Variants in FRMD6 observed in about 807,000 individuals in gnomAD.
FRMD6 encodes the protein FERM domain containing 6.
A neutral mutation model predicts 73.2 loss-of-function variants in FRMD6; 37 were observed. The observed-to-expected ratio is 0.51, with a 90% CI of 0.39 to 0.66. The LOEUF is 0.66. Among genes scored for constraint, FRMD6 ranks in the 30% least tolerant of loss-of-function variants. FRMD6 has a pLI of 0.00. For synonymous variants in FRMD6, 273 were observed against 282.2 expected (o/e 0.97, Z 0.33); for missense variants, 714 against 780.5 (o/e 0.91, Z 1.02).
At chr14:51,477,808 C>CA in the FRMD6 span, among the ~76,000 whole-genome samples, 1 of 150,152 alleles carries the variant, frequency 6.7e-6, no homozygotes, top group African/African-American at 2.5e-5. Context: ...GGCACGACCT[C>CA]AGCTCACAGC....
chr14:51,444,129 A>G, the FRMD6 span, among the ~76,000 whole-genome samples: 2,209 of 152,238 alleles, frequency 0.015, 30 homozygotes, highest in Middle Eastern at 0.048. Flanking sequence ...GGGTTTTGCC[A>G]TGTTGACCAG....
At chr14:51,484,517 AC>A (rs1330394060), upstream of FRMD6, among the ~76,000 whole-genome samples, 2 of 152,124 alleles carry the variant, frequency 1.3e-5, no homozygotes, top group Admixed American at 1.3e-4. Flanking sequence ...CAGAATAGCC[AC>A]TCAGCAGTCA....
At chr14:51,640,237 C>T (rs1358943576) in intron 2 of FRMD6, among the ~76,000 whole-genome samples, 1 of 152,204 alleles carries the variant, frequency 6.6e-6, no homozygotes, top group Admixed American at 6.5e-5. Context: ...TCCTCCCCCT[C>T]CACGTTTTTA....
At chr14:51,656,707 C>T (rs569775923) in intron 1 of FRMD6, among the ~76,000 whole-genome samples, 2 of 152,242 alleles carry the variant, frequency 1.3e-5, no homozygotes, top group Admixed American at 6.5e-5. Flanking sequence ...CCACCGCGCC[C>T]GGCTAGCATG....
the FRMD6 span, among the ~76,000 whole-genome samples, chr14:51,470,509 CA>C: frequency 0.17 from 26,236 of 150,464 alleles, 2,426 homozygotes; most frequent in African/African-American, 0.23. Flanking sequence ...CAAAAAAAAC[CA>C]AAAAAAAACC....
intron 2 of FRMD6, among the ~76,000 whole-genome samples, chr14:51,609,262 T>C (rs1890391949): frequency 6.6e-6 from 1 of 152,192 alleles, no homozygotes; most frequent in African/African-American, 2.4e-5. Context: ...ATGGAGTCAT[T>C]CATTTCTCAC....
intron 1 of FRMD6, among the ~76,000 whole-genome samples, chr14:51,686,072 C>T (rs1007997579): frequency 1.8e-4 from 27 of 152,022 alleles, no homozygotes; most frequent in African/African-American, 6.5e-4. Flanking sequence ...AGAGACAGTC[C>T]TAGAATTGAA....
chr14:51,642,193 TAGTG>T (rs1891843218), intron 2 of FRMD6, among the ~76,000 whole-genome samples: 2 of 152,200 alleles, frequency 1.3e-5, no homozygotes, highest in African/African-American at 4.8e-5. Context: ...GAAGGGAACA[TAGTG>T]AGAGAGAGAG....
At chr14:51,470,511 A>G in the FRMD6 span, among the ~76,000 whole-genome samples, 5 of 104,324 alleles carry the variant, frequency 4.8e-5, no homozygotes, top group East Asian at 1.1e-3. Flanking sequence ...AAAAAAACCA[A>G]AAAAAAACCA....
At chr14:51,653,118 G>A (rs1892549857) in intron 1 of FRMD6, among the ~76,000 whole-genome samples, 1 of 152,188 alleles carries the variant, frequency 6.6e-6, no homozygotes, top group Non-Finnish European at 1.5e-5. Context: ...ACTTCAGCAA[G>A]CGTTCTCAGG....
At chr14:51,608,471 T>A (rs890948405) in intron 2 of FRMD6, among the ~76,000 whole-genome samples, 1 of 152,166 alleles carries the variant, frequency 6.6e-6, no homozygotes, top group Admixed American at 6.5e-5. Flanking sequence ...ACACAATGCC[T>A]GGCATGAAGT....
intron 13 of FRMD6, 28 bp from the exon 14 acceptor site, chr14:51,727,717 G>A (rs1210268098): frequency 5.1e-6 from 8 of 1,569,548 alleles, no homozygotes; most frequent in Non-Finnish European, 6.1e-6. Flanking sequence ...TCACTTTAAA[G>A]TTGTTTCATC....
In FRMD6 at chr14:51,720,157, T is replaced by C; in HGVS notation, c.1127T>C (p.Met376Thr). ...SRASGSSAGS[M>T]KHKRLSRHST... ...GCCAGCGGGAGCAGTGCGGGCAGCA[T>C]GAAACACAAGCGCCTGTCCCGTCAT... The change falls in exon 11 of 14, where the codon ATG (methionine) becomes ACG (threonine). Residue 376 changes from methionine to threonine, a missense_variant. Transcript: ENST00000344768. 1 of 1,613,904 alleles carries C rather than the reference T, an allele frequency of 6.2e-7. No individual in the cohort carries two copies. Among genetic ancestry groups the C allele is most frequent in the Non-Finnish European group, 8.5e-7 (1 of 1,180,030 alleles).
chr14:51,634,644 A>C (rs953213671), intron 2 of FRMD6, among the ~76,000 whole-genome samples: 1 of 152,236 alleles, frequency 6.6e-6, no homozygotes, highest in African/African-American at 2.4e-5. Context: ...AAAATACATA[A>C]ATGTTAGCTT....
chr14:51,691,226 T>G (rs941608437), intron 2 of FRMD6, among the ~76,000 whole-genome samples: 1 of 152,234 alleles, frequency 6.6e-6, no homozygotes, highest in African/African-American at 2.4e-5. Flanking sequence ...TATTCCATTG[T>G]ACGAATACAC....
At chr14:51,499,769 A>G (rs1164477241) in intron 1 of FRMD6, among the ~76,000 whole-genome samples, 1 of 152,244 alleles carries the variant, frequency 6.6e-6, no homozygotes, top group Non-Finnish European at 1.5e-5. Flanking sequence ...GGTGATCTGT[A>G]TAAACTCTTT....
chr14:51,432,843 A>AG, the FRMD6 span, among the ~76,000 whole-genome samples: 2 of 152,180 alleles, frequency 1.3e-5, no homozygotes, highest in Non-Finnish European at 2.9e-5. Flanking sequence ...AGCTCAATCC[A>AG]GGGGGCAGGG....
intron 2 of FRMD6, among the ~76,000 whole-genome samples, chr14:51,620,937 G>A (rs1890904373): frequency 6.6e-6 from 1 of 152,188 alleles, no homozygotes; most frequent in African/African-American, 2.4e-5. Context: ...CAGTTCTCAA[G>A]TAGGAAGTAG....
At chr14:51,581,828 C>A (rs544517239) in intron 2 of FRMD6, among the ~76,000 whole-genome samples, 1 of 152,148 alleles carries the variant, frequency 6.6e-6, no homozygotes, top group Non-Finnish European at 1.5e-5. Flanking sequence ...TTTCCCTACC[C>A]GCATTAAATG....
Sources: allele counts gnomAD v4.1 joint callset (sites outside exome capture counted in the v4.1 genomes callset), GRCh38; gene constraint gnomAD v4.1.1; transcripts MANE v1.5; gene names NCBI Gene and HGNC (gene_info 2026-07-23, HGNC 2026-07-21).